IQCE: variants seen among roughly 807,000 people sequenced by gnomAD.
The protein encoded by IQCE is IQ domain-containing protein E.
IQCE carries 115 observed loss-of-function variants against 96.0 expected under a neutral mutation model. That is an observed-to-expected ratio of 1.20 (90% confidence interval 1.03 to 1.40). IQCE has a LOEUF of 1.40. Among genes scored for constraint, IQCE ranks in the 40% most tolerant of loss-of-function variants. The probability of loss-of-function intolerance (pLI) is 0.00; values close to 1 mark genes in which losing one functional copy is unlikely to be tolerated. For synonymous variants in IQCE, 412 were observed against 371.2 expected, an observed-to-expected ratio of 1.11 and a Z score of -1.26; for missense variants, 1,041 against 909.1, an observed-to-expected ratio of 1.15 and a Z score of -1.87.
chr7:2,601,581 G>A (rs768034988), intron 18 of IQCE, 117 bp downstream of exon 18: 24 of 829,868 alleles, frequency 2.9e-5, no homozygotes, highest in Non-Finnish European at 4.4e-5. Flanking sequence ...ATGGAATCTC[G>A]CTCTGTGGCC....
At chr7:2,562,016 TTG>T (rs1781003466) in intron 1 of IQCE, among the ~76,000 whole-genome samples, 1 of 152,224 alleles carries the variant, frequency 6.6e-6, no homozygotes, top group African/African-American at 2.4e-5. Context: ...CTGTTAAATA[TTG>T]TGTTGCCCTG....
rs118046495 is a variant in IQCE, at chr7:2,595,319, A to G, written c.1440+343A>G. 4.1e-3 allele frequency among the ~76,000 whole-genome samples: 621 copies of G among 152,324 alleles called. 10 individuals are homozygous for G. The East Asian group carries it at 0.061, about 15-fold the overall frequency. On this transcript the variant is annotated intron_variant, in intron 16 of 21. Transcript: ENST00000402050. Reference sequence around the variant, plus strand: ...GGGGGGAAAGGACGAAGGCTCAACCAGGCCCCTGCATGGACCTGGGCATGC... The same window carrying G: ...GGGGGGAAAGGACGAAGGCTCAACCGGGCCCCTGCATGGACCTGGGCATGC...
intron 17 of IQCE, among the ~76,000 whole-genome samples, chr7:2,601,019 C>T (rs1784396096): frequency 6.6e-6 from 1 of 152,200 alleles, no homozygotes; most frequent in Non-Finnish European, 1.5e-5. Flanking sequence ...CCCCAGCAGG[C>T]AGCCTCAGCC....
chr7:2,575,829 C>T (rs1414267816), intron 6 of IQCE, among the ~76,000 whole-genome samples: 1 of 152,196 alleles, frequency 6.6e-6, no homozygotes, highest in Non-Finnish European at 1.5e-5. Flanking sequence ...GAGCTCCCTG[C>T]CGTGTCGATC....
intron 13 of IQCE, 31 bp downstream of exon 13, chr7:2,587,908 G>A: frequency 1.2e-6 from 2 of 1,600,534 alleles, no homozygotes; most frequent in Non-Finnish European, 1.7e-6. Flanking sequence ...CACTGTCGTT[G>A]GGGACCAGGG....
chr7:2,602,418 C>T (rs941882123), intron 18 of IQCE, among the ~76,000 whole-genome samples: 1 of 152,178 alleles, frequency 6.6e-6, no homozygotes, highest in African/African-American at 2.4e-5. Context: ...GCTCCCCTCT[C>T]CTCTAGGGCC....
chr7:2,568,410 C>A (rs1781533599), intron 2 of IQCE, among the ~76,000 whole-genome samples: 1 of 152,196 alleles, frequency 6.6e-6, no homozygotes, highest in Non-Finnish European at 1.5e-5. Context: ...ATGGGACACT[C>A]ACCCCGTAGT....
intron 8 of IQCE, 91 bp downstream of exon 8, chr7:2,578,617 G>T: frequency 7.2e-7 from 1 of 1,383,874 alleles, no homozygotes; most frequent in Non-Finnish European, 1.0e-6. Context: ...CAGCACCCAC[G>T]CGTGAAGAGC....
At chr7:2,587,639 A>G (rs911765764) in intron 12 of IQCE, among the ~76,000 whole-genome samples, 183 bp from the exon 13 acceptor site, 1 of 152,080 alleles carries the variant, frequency 6.6e-6, no homozygotes, top group Non-Finnish European at 1.5e-5. Context: ...TCACGATCCA[A>G]GGGGGCAGAG....
chr7:2,607,189 G>A lies in IQCE; in HGVS notation c.1931G>A (p.Gly644Glu), dbSNP rs752168313. ...AGGAGATCGGCTTCAGCCACACACG[G>A]GGACGCCTCCTCCCCACCCTTCCTC... ...TRRRSASATH[G>E]DASSPPFLAA... Residue 644 changes from glycine to glutamate, a missense_variant, in exon 21 of 22, where the codon GGG becomes GAG. Coordinates refer to ENST00000402050, the MANE Select transcript of IQCE (RefSeq NM_152558.5). 1.2e-6 allele frequency: 2 copies of A among 1,613,554 alleles called. No homozygotes were observed. Among genetic ancestry groups the A allele is most frequent in the Non-Finnish European group, 8.5e-7 (1 of 1,179,768 alleles).
Position 2,572,312 on chromosome 7 carries a change from G to A in IQCE, c.380G>A (p.Arg127His), listed in dbSNP as rs199937900. The change falls in exon 5 of 22, where the codon CGC becomes CAC. Residue 127 changes from arginine to histidine, a missense_variant. Arg to His is a conservative substitution (Grantham distance 29). Coordinates refer to ENST00000402050, the MANE Select transcript of IQCE (RefSeq NM_152558.5). ...TFRVKRPHLRRSASNGHVPGT... is the reference protein window; with the variant it reads ...TFRVKRPHLRHSASNGHVPGT... Reference sequence around the variant, plus strand: ...AGAGTGAAGAGGCCACATCTCAGGCGCTCTGCCAGCAACGGTGAGCATGCC... The same window carrying A: ...AGAGTGAAGAGGCCACATCTCAGGCACTCTGCCAGCAACGGTGAGCATGCC... 7.7e-5 allele frequency: 125 copies of A among 1,613,774 alleles called. 1 individual carries two copies. Among genetic ancestry groups the A allele is most frequent in the South Asian group, 2.1e-4 (19 of 91,068 alleles).
At chr7:2,566,858 T>G (rs1423563174) in intron 1 of IQCE, among the ~76,000 whole-genome samples, 1 of 152,336 alleles carries the variant, frequency 6.6e-6, no homozygotes. Flanking sequence ...CTGTGGGAAA[T>G]AGTGTTACTA....
At chr7:2,571,888 G>T (rs1465921420) in intron 4 of IQCE, among the ~76,000 whole-genome samples, 2 of 152,208 alleles carry the variant, frequency 1.3e-5, no homozygotes, top group African/African-American at 2.4e-5. Flanking sequence ...GGAGTGGTGA[G>T]TTGTCTTGCC....
rs1159780027 is a variant in IQCE at position 2,605,952 on chromosome 7, T to A, written c.1820T>A (p.Ile607Asn). The A allele has an allele frequency of 6.2e-7, 1 of 1,611,198 alleles. No homozygotes were observed. The highest frequency in any genetic ancestry group is 1.7e-5 in the Admixed American group (1 of 59,694). Reference sequence around the variant, plus strand: ...CCTGTGCAGGAGGAGGCCATCGTCATCATCCAGTCCGCTCTGCGGGCACAC... The same window carrying A: ...CCTGTGCAGGAGGAGGCCATCGTCAACATCCAGTCCGCTCTGCGGGCACAC... ...GSPVQEEAIVIIQSALRAHLA... is the reference protein window; with the variant it reads ...GSPVQEEAIVNIQSALRAHLA... The change falls in exon 20 of 22, where the codon ATC (isoleucine) becomes AAC (asparagine). Residue 607 changes from isoleucine to asparagine, a missense_variant. Ile to Asn is a moderately radical substitution (Grantham distance 149). Coordinates refer to ENST00000402050, the MANE Select transcript of IQCE (RefSeq NM_152558.5).
At position 2,614,672 on chromosome 7, in the gene IQCE, G is replaced by A. The variant is rs1406399003; in HGVS notation, c.*4510G>A. The A allele has an allele frequency of 2.0e-5, 3 of 152,226 alleles. No homozygotes were observed. Among genetic ancestry groups the A allele is most frequent in the Non-Finnish European group, 2.9e-5 (2 of 68,034 alleles). The allele number at this position is 152,226 out of a possible 1,614,324, so 9.4% of individuals were successfully genotyped here. On this transcript the variant is annotated 3_prime_UTR_variant, in exon 22 of 22. Transcript: ENST00000402050. ...TGGAAGGGATAAGGTTTTCATTCTTGTGCAACTCATTATTCTCATTATTGG... is the reference window on the plus strand; with the variant it reads ...TGGAAGGGATAAGGTTTTCATTCTTATGCAACTCATTATTCTCATTATTGG...
At chr7:2,607,520 T>G (rs1463440345) in intron 21 of IQCE, 1 of 1,293,060 alleles carries the variant, frequency 7.7e-7, no homozygotes, top group Admixed American at 4.0e-5. Flanking sequence ...CCAGCATTTC[T>G]CCTGTTTGTT....
intron 14 of IQCE, among the ~76,000 whole-genome samples, chr7:2,590,849 G>C (rs1783529861): frequency 6.6e-6 from 1 of 152,156 alleles, no homozygotes; most frequent in African/African-American, 2.4e-5. Context: ...TGTTAGAGAG[G>C]AATTGACTTT....
intron 21 of IQCE, chr7:2,607,481 A>G (rs1784922565): frequency 1.5e-6 from 2 of 1,303,342 alleles, no homozygotes; most frequent in African/African-American, 3.1e-5. Context: ...CTCAGCTCCA[A>G]CAGGACCGAG....
intron 18 of IQCE, among the ~76,000 whole-genome samples, chr7:2,604,527 C>T (rs1349862586): frequency 6.6e-6 from 1 of 152,198 alleles, no homozygotes; most frequent in African/African-American, 2.4e-5. Context: ...AACCAATAAA[C>T]TATTCCAACC....
Sources: gnomAD v4.1 joint callset for allele counts (sites outside exome capture counted in the v4.1 genomes callset) on GRCh38, gnomAD v4.1.1 for gene constraint, MANE v1.5 for transcripts, NCBI Gene and HGNC (gene_info 2026-07-23, HGNC 2026-07-21) for gene names.